The following HDX variants were observed in gnomAD, a reference collection of about 807,000 sequenced individuals.
HDX encodes the protein chromosome X open reading frame 43.
Under a neutral mutation model 45.2 loss-of-function variants are expected in HDX, and 19 were observed. The ratio of observed to expected loss-of-function variants is 0.42; its 90% CI spans 0.29 to 0.62. HDX has a LOEUF of 0.62. HDX is among the 20% of genes least tolerant of loss of function. HDX has a pLI of 0.20. For synonymous variants in HDX, 188 were observed against 172.8 expected, an observed-to-expected ratio of 1.09 and a Z score of -0.69; for missense variants, 532 against 493.9, an observed-to-expected ratio of 1.08 and a Z score of -0.73.
intron 5 of HDX, among the ~76,000 whole-genome samples, chrX:84,405,538 C>T: frequency 9.6e-6 from 1 of 104,059 alleles, no homozygotes; most frequent in East Asian, 3.1e-4. Flanking sequence ...TGTCATATCA[C>T]TTCTTGAGAT....
intron 5 of HDX, among the ~76,000 whole-genome samples, chrX:84,386,918 TC>T (rs2038333962): frequency 9.0e-6 from 1 of 111,364 alleles, no homozygotes; most frequent in African/African-American, 3.3e-5. Flanking sequence ...TTTCCCTAGT[TC>T]CTTTAGTTGC....
At chrX:84,331,661 A>C (rs1468663022) in intron 9 of HDX, among the ~76,000 whole-genome samples, 1 of 111,649 alleles carries the variant, frequency 9.0e-6, no homozygotes, top group African/African-American at 3.2e-5. Flanking sequence ...TCATCCCATA[A>C]AATTATAATG....
chrX:84,490,901 TC>T (rs955394949), intron 1 of HDX, among the ~76,000 whole-genome samples: 1 of 110,941 alleles, frequency 9.0e-6, no homozygotes, highest in East Asian at 2.8e-4. Context: ...GTGAGATATA[TC>T]CTACCATTGT....
intron 6 of HDX, among the ~76,000 whole-genome samples, chrX:84,355,812 A>G (rs1436778967): frequency 9.1e-6 from 1 of 109,481 alleles, no homozygotes; most frequent in African/African-American, 3.3e-5. Flanking sequence ...TACGCACGTA[A>G]CAAACCTGCA....
At chrX:84,333,897 C>T in intron 8 of HDX, 55 bp from the exon 9 acceptor site, 1 of 488,295 alleles carries the variant, frequency 2.0e-6, no homozygotes, top group Non-Finnish European at 3.6e-6. Context: ...TTACTACACT[C>T]AGCAATGCAT....
intron 5 of HDX, among the ~76,000 whole-genome samples, chrX:84,411,355 A>G (rs2038981832): frequency 9.0e-6 from 1 of 111,499 alleles, no homozygotes; most frequent in African/African-American, 3.3e-5. Flanking sequence ...TTCTGGTATG[A>G]TGTATCTTTG....
At chrX:84,392,133 C>T (rs916114053) in intron 5 of HDX, among the ~76,000 whole-genome samples, 10 of 111,507 alleles carry the variant, frequency 9.0e-5, no homozygotes, top group African/African-American at 2.0e-4. Context: ...CTTTTGCATA[C>T]GAATATTTGA....
chrX:84,450,627 G>A (rs2039977654), intron 4 of HDX, among the ~76,000 whole-genome samples: 2 of 112,089 alleles, frequency 1.8e-5, no homozygotes, highest in Admixed American at 1.9e-4. Flanking sequence ...TTCAGCATTA[G>A]ACAGATCATC....
intron 4 of HDX, among the ~76,000 whole-genome samples, chrX:84,444,559 C>T (rs1401422390): frequency 9.0e-6 from 1 of 110,747 alleles, no homozygotes; most frequent in East Asian, 2.9e-4. Context: ...TGGAAATAGT[C>T]CTGTTATGGC....
chrX:84,341,383 AC>A (rs1314419443), intron 7 of HDX, among the ~76,000 whole-genome samples: 1 of 111,514 alleles, frequency 9.0e-6, no homozygotes, highest in Non-Finnish European at 1.9e-5. Context: ...ATTTCCCTGT[AC>A]ACTTAATTCT....
chrX:84,421,714 G>T (rs1321977222), intron 5 of HDX, among the ~76,000 whole-genome samples: 1 of 108,573 alleles, frequency 9.2e-6, no homozygotes, highest in African/African-American at 3.3e-5. Flanking sequence ...AAAATAAAGG[G>T]ATAGAACAAG....
intron 5 of HDX, among the ~76,000 whole-genome samples, chrX:84,371,024 T>C (rs1416230364): frequency 8.9e-6 from 1 of 112,241 alleles, no homozygotes; most frequent in Non-Finnish European, 1.9e-5. Context: ...TTTCAACATA[T>C]ATGTACAACA....
intron 3 of HDX, among the ~76,000 whole-genome samples, chrX:84,471,355 G>T (rs1280845839): frequency 9.3e-6 from 1 of 107,195 alleles, no homozygotes; most frequent in East Asian, 2.9e-4. Flanking sequence ...AAAGTATAAA[G>T]GATCTCTAAT....
intron 4 of HDX, among the ~76,000 whole-genome samples, chrX:84,443,458 T>C (rs1269133627): frequency 9.0e-6 from 1 of 111,518 alleles, no homozygotes; most frequent in African/African-American, 3.2e-5. Flanking sequence ...TATTAGAACA[T>C]ACACATCCAA....
At chrX:84,346,369 C>A (rs1270474026) in intron 6 of HDX, among the ~76,000 whole-genome samples, 4 of 111,294 alleles carry the variant, frequency 3.6e-5, no homozygotes, top group Non-Finnish European at 7.6e-5. Context: ...TTTGTAGATA[C>A]ATATGAGATA....
intron 4 of HDX, among the ~76,000 whole-genome samples, chrX:84,446,065 C>T (rs2039866347): frequency 9.0e-6 from 1 of 111,037 alleles, no homozygotes; most frequent in Non-Finnish European, 1.9e-5. Context: ...CAAATTCGTC[C>T]TACTGATTCT....
intron 5 of HDX, among the ~76,000 whole-genome samples, chrX:84,378,194 C>G (rs1009015538): frequency 1.7e-4 from 19 of 111,545 alleles, no homozygotes; most frequent in Non-Finnish European, 3.0e-4. Context: ...TAAAGACATT[C>G]CCAGATGAAC....
chrX:84,393,473 G>T (rs2038488729), intron 5 of HDX, among the ~76,000 whole-genome samples: 1 of 111,511 alleles, frequency 9.0e-6, no homozygotes. Context: ...AGACAAATTG[G>T]TGTGTCGTTT....
chrX:84,388,072 A>C (rs1219640636), intron 5 of HDX, among the ~76,000 whole-genome samples: 7 of 111,877 alleles, frequency 6.3e-5, no homozygotes, highest in African/African-American at 2.3e-4. Flanking sequence ...TAGTTTGGTG[A>C]AATATGAAAT....
Sources: gnomAD v4.1 joint callset for allele counts (sites outside exome capture counted in the v4.1 genomes callset) on GRCh38, gnomAD v4.1.1 for gene constraint, MANE v1.5 for transcripts, NCBI Gene and HGNC (gene_info 2026-07-23, HGNC 2026-07-21) for gene names.